GTF2E1: variants seen among roughly 807,000 people sequenced by gnomAD.
GTF2E1 encodes the protein general transcription factor IIE subunit 1, also known as TFIIE alpha subunit.
In GTF2E1, 14 loss-of-function variants were observed where a neutral mutation model predicts 34.9. The observed-to-expected ratio is 0.40, with a 90% confidence interval of 0.27 to 0.63. GTF2E1 has a LOEUF of 0.63. Among genes scored for constraint, GTF2E1 ranks in the 20% least tolerant of loss-of-function variants. The probability of loss-of-function intolerance (pLI) is 0.39; values close to 1 mark genes in which losing one functional copy is unlikely to be tolerated. For synonymous variants in GTF2E1, 188 were observed against 192.9 expected, an observed-to-expected ratio of 0.97 and a Z score of 0.21; for missense variants, 469 against 557.7, an observed-to-expected ratio of 0.84 and a Z score of 1.60.
chr3:120,759,364 A>G (rs1339297757), intron 2 of GTF2E1, among the ~76,000 whole-genome samples: 1 of 152,158 alleles, frequency 6.6e-6, no homozygotes, highest in Non-Finnish European at 1.5e-5. Flanking sequence ...GTAGATTGCA[A>G]AGATTTTCTC....
chr3:120,750,564 A>C lies in GTF2E1; in HGVS notation c.12A>C (p.Pro4=), dbSNP rs759852820. 6.2e-7 allele frequency: 1 copy of C among 1,610,372 alleles called. No individual in the cohort carries two copies. The stretch of plus-strand genomic sequence containing the variant: ...GTTCGTTGCTAAAGATGGCAGACCC[A>C]GATGTCCTCACTGAAGTTCCAGCAG... MAD[P]DVLTEVPAAL... is the part of the protein sequence containing the mutation. Residue 4 remains proline (P), a synonymous_variant, in exon 2 of 5, where the codon CCA becomes CCC. Transcript: ENST00000283875.
At position 120,769,196 on chromosome 3, in the gene GTF2E1, T is replaced by TAA. The variant is rs75846153; in HGVS notation, c.449-1518_449-1517dup. Among the ~76,000 whole-genome samples, 745 of 133,284 alleles carry TAA rather than the reference T, an allele frequency of 5.6e-3. 5 individuals carry two copies. Among genetic ancestry groups the TAA allele is most frequent in the African/African-American group, 0.017 (620 of 36,770 alleles). 87.4% of individuals were successfully genotyped at this position (133,284 alleles called of 152,430 possible). A position where few individuals can be genotyped will look rare whatever the true frequency, so the allele number is the denominator to read the frequency against. On this transcript the variant is annotated intron_variant, in intron 2 of 4. Transcript: ENST00000283875. ...TTAAAGCAATTTGATATCTTTTACC[T>TAA]AAAAAAAAAAAAAAAGCTAGTTCTT...
At chr3:120,776,163 A>AACATCTT (rs1181484356) in intron 3 of GTF2E1, among the ~76,000 whole-genome samples, 1 of 152,244 alleles carries the variant, frequency 6.6e-6, no homozygotes, top group East Asian at 1.9e-4. Flanking sequence ...TTAAATCTAT[A>AACATCTT]AAACCTCAGT....
intron 3 of GTF2E1, among the ~76,000 whole-genome samples, chr3:120,774,861 G>A (rs1709385310): frequency 6.6e-6 from 1 of 152,194 alleles, no homozygotes; most frequent in South Asian, 2.1e-4. Context: ...TGAAAAGTAT[G>A]CAAACGCAGT....
chr3:120,745,818 C>A (rs945769841), intron 1 of GTF2E1, among the ~76,000 whole-genome samples: 2 of 152,014 alleles, frequency 1.3e-5, no homozygotes, highest in African/African-American at 4.8e-5. Context: ...TAGACCAAAC[C>A]GAAAAGGAGA....
intron 1 of GTF2E1, among the ~76,000 whole-genome samples, chr3:120,747,435 C>T (rs906847229): frequency 3.9e-4 from 60 of 152,040 alleles, no homozygotes; most frequent in African/African-American, 1.3e-3. Flanking sequence ...GTGTGATGTT[C>T]GCCTTCCTGT....
At chr3:120,746,586 C>G (rs1709107149) in intron 1 of GTF2E1, among the ~76,000 whole-genome samples, 1 of 151,922 alleles carries the variant, frequency 6.6e-6, no homozygotes, top group African/African-American at 2.4e-5. Flanking sequence ...ATCCCTTGAG[C>G]CCAGAAGTTC....
At chr3:120,756,956 A>G (rs915086412) in intron 2 of GTF2E1, among the ~76,000 whole-genome samples, 3 of 152,062 alleles carry the variant, frequency 2.0e-5, no homozygotes, top group African/African-American at 7.2e-5. Flanking sequence ...AAAAAAAACA[A>G]TCTTTTATCT....
chr3:120,756,885 C>G (rs1004763325), intron 2 of GTF2E1, among the ~76,000 whole-genome samples: 1 of 152,064 alleles, frequency 6.6e-6, no homozygotes, highest in African/African-American at 2.4e-5. Flanking sequence ...GAGATCGCAC[C>G]ACTGCACTCC....
In GTF2E1 at chr3:120,782,078, C is replaced by T. The variant is rs1310114054; in HGVS notation, c.*608C>T. On this transcript the variant is annotated 3_prime_UTR_variant, in exon 5 of 5. Coordinates refer to ENST00000283875, the MANE Select transcript of GTF2E1 (RefSeq NM_005513.3). The stretch of plus-strand genomic sequence containing the variant: ...AGTTCATAAGGTAAATCCTTCCCAT[C>T]CATCTGTTTACTACAATAGGTTACA... 1 of 152,700 alleles carries T rather than the reference C, an allele frequency of 6.5e-6. No homozygotes were observed. The highest frequency in any genetic ancestry group is 1.5e-5 in the Non-Finnish European group (1 of 68,440). The allele number at this position is 152,700 out of a possible 1,614,324, so 9.5% of individuals were successfully genotyped here. A position where few individuals can be genotyped will look rare whatever the true frequency, so the allele number is the denominator to read the frequency against.
At chr3:120,760,049 T>C (rs1398598777) in intron 2 of GTF2E1, among the ~76,000 whole-genome samples, 1 of 152,246 alleles carries the variant, frequency 6.6e-6, no homozygotes, top group Middle Eastern at 3.2e-3. Context: ...ATTTTCACGA[T>C]ATTGATTCTT....
intron 2 of GTF2E1, among the ~76,000 whole-genome samples, chr3:120,763,624 T>G (rs1312991285): frequency 6.6e-6 from 1 of 152,214 alleles, no homozygotes; most frequent in Non-Finnish European, 1.5e-5. Flanking sequence ...ATGTCTTTTG[T>G]TTTTTTCTTT....
intron 4 of GTF2E1, among the ~76,000 whole-genome samples, chr3:120,779,538 G>T (rs1709429590): frequency 6.6e-6 from 1 of 152,108 alleles, no homozygotes; most frequent in South Asian, 2.1e-4. Flanking sequence ...TCTCTTATCT[G>T]CTCAGTATCT....
chr3:120,768,799 TATAAG>T (rs778460493), intron 2 of GTF2E1, among the ~76,000 whole-genome samples: 1 of 152,208 alleles, frequency 6.6e-6, no homozygotes, highest in Non-Finnish European at 1.5e-5. Context: ...TGGAGAATAA[TATAAG>T]ATAACATTCT....
chr3:120,761,361 A>G (rs1440571291), intron 2 of GTF2E1, among the ~76,000 whole-genome samples: 1 of 152,066 alleles, frequency 6.6e-6, no homozygotes, highest in Admixed American at 6.5e-5. Flanking sequence ...TGATCTTTTC[A>G]AAGAACCAGC....
At chr3:120,762,353 C>G (rs907698442) in intron 2 of GTF2E1, among the ~76,000 whole-genome samples, 1 of 152,138 alleles carries the variant, frequency 6.6e-6, no homozygotes, top group Non-Finnish European at 1.5e-5. Flanking sequence ...GAGTCTAAGT[C>G]TCTTTGTAGG....
At chr3:120,771,286 G>A (rs1559834072) in intron 3 of GTF2E1, among the ~76,000 whole-genome samples, 1 of 152,086 alleles carries the variant, frequency 6.6e-6, no homozygotes, top group East Asian at 1.9e-4. Flanking sequence ...AAGGCTGAAG[G>A]CCTTTAAGGA....
At position 120,742,760 on chromosome 3, in the gene GTF2E1, G is replaced by A; in HGVS notation, c.-65G>A. 1 of 549,366 alleles carries A rather than the reference G, an allele frequency of 1.8e-6. No homozygotes were observed. The highest frequency in any genetic ancestry group is 3.2e-5 in the East Asian group (1 of 31,212). 34.0% of individuals were successfully genotyped at this position (549,366 alleles called of 1,614,324 possible). On this transcript the variant is annotated 5_prime_UTR_variant, in exon 1 of 5. Coordinates refer to ENST00000283875, the MANE Select transcript of GTF2E1 (RefSeq NM_005513.3). Reference sequence around the variant, plus strand: ...TAAGCCGGTAGTTGAAGCGCTGGGGGCAGCTGTAGTGGGAGTGTTCCAGGA... The same window carrying A: ...TAAGCCGGTAGTTGAAGCGCTGGGGACAGCTGTAGTGGGAGTGTTCCAGGA...
At chr3:120,752,322 A>G (rs1164661404) in intron 2 of GTF2E1, among the ~76,000 whole-genome samples, 5 of 152,210 alleles carry the variant, frequency 3.3e-5, no homozygotes, top group African/African-American at 4.8e-5. Flanking sequence ...AAAATAGACT[A>G]GAAAAGTCTC....
Sources: allele counts gnomAD v4.1 joint callset (sites outside exome capture counted in the v4.1 genomes callset), GRCh38; gene constraint gnomAD v4.1.1; transcripts MANE v1.5; gene names NCBI Gene and HGNC (gene_info 2026-07-23, HGNC 2026-07-21).